The following LRFN2 variants were observed in gnomAD, a reference collection of about 807,000 sequenced individuals.
LRFN2 encodes the protein leucine-rich repeat and fibronectin type-III domain-containing protein 2.
LRFN2 carries 18 observed loss-of-function variants against 37.3 expected under a neutral mutation model. The ratio of observed to expected loss-of-function variants is 0.48; its 90% confidence interval spans 0.33 to 0.72. The LOEUF (loss-of-function observed/expected upper bound fraction) is 0.72. LRFN2 is among the 30% of genes least tolerant of loss of function. The pLI is 0.02. For missense variants in LRFN2, 1,006 were observed against 1,060.7 expected (o/e 0.95, Z 0.72); for synonymous variants, 556 against 466.6 (o/e 1.19, Z -2.47).
chr6:40,534,733 A>G (rs1766418389), intron 1 of LRFN2, among the ~76,000 whole-genome samples: 1 of 151,712 alleles, frequency 6.6e-6, no homozygotes, highest in Non-Finnish European at 1.5e-5. Flanking sequence ...TAGGGTCATC[A>G]CTCTCCCCAG....
chr6:40,551,581 T>G (rs997043212), intron 1 of LRFN2, among the ~76,000 whole-genome samples: 1 of 152,256 alleles, frequency 6.6e-6, no homozygotes, highest in African/African-American at 2.4e-5. Context: ...GATTTAATCA[T>G]AGCAGCTAAC....
intron 1 of LRFN2, among the ~76,000 whole-genome samples, chr6:40,526,557 G>T (rs984397553): frequency 6.6e-6 from 1 of 152,116 alleles, no homozygotes; most frequent in Admixed American, 6.6e-5. Flanking sequence ...AGCTCTGGGG[G>T]TTCCACCATG....
intron 1 of LRFN2, among the ~76,000 whole-genome samples, chr6:40,482,726 G>A (rs1053247054): frequency 1.7e-4 from 26 of 152,012 alleles, no homozygotes; most frequent in Non-Finnish European, 3.2e-4. Context: ...CTCCGCCCTC[G>A]CCCTGCCCAT....
chr6:40,519,846 AATG>A (rs1283539585), intron 1 of LRFN2, among the ~76,000 whole-genome samples: 1 of 152,194 alleles, frequency 6.6e-6, no homozygotes, highest in African/African-American at 2.4e-5. Context: ...CTGGGGATGA[AATG>A]ATGAGTAAGA....
At chr6:40,461,380 C>A (rs1189550530) in intron 1 of LRFN2, among the ~76,000 whole-genome samples, 1 of 151,914 alleles carries the variant, frequency 6.6e-6, no homozygotes, top group Admixed American at 6.6e-5. Flanking sequence ...TGCACTCCAG[C>A]CTGGGTGATA....
chr6:40,400,907 G>A (rs930978117), intron 2 of LRFN2, among the ~76,000 whole-genome samples: 5 of 151,664 alleles, frequency 3.3e-5, no homozygotes, highest in African/African-American at 1.2e-4. Flanking sequence ...GTGCCAGAGT[G>A]TAGGTGTTTA....
chr6:40,489,534 A>C (rs932901360), intron 1 of LRFN2, among the ~76,000 whole-genome samples: 2 of 152,068 alleles, frequency 1.3e-5, no homozygotes, highest in African/African-American at 4.8e-5. Context: ...TGGGACACAC[A>C]GGGGAGGAGA....
intron 1 of LRFN2, among the ~76,000 whole-genome samples, chr6:40,436,029 C>T (rs962696213): frequency 4.6e-5 from 7 of 151,900 alleles, no homozygotes; most frequent in Middle Eastern, 3.4e-3. Context: ...TTCCTAGTGG[C>T]CATATTTTTT....
chr6:40,511,160 G>A (rs1342131121), intron 1 of LRFN2, among the ~76,000 whole-genome samples: 1 of 152,120 alleles, frequency 6.6e-6, no homozygotes, highest in Non-Finnish European at 1.5e-5. Context: ...AGGTCAGATG[G>A]AGTTTACTCT....
At chr6:40,439,830 C>A (rs1023743845) in intron 1 of LRFN2, among the ~76,000 whole-genome samples, 1 of 152,162 alleles carries the variant, frequency 6.6e-6, no homozygotes, top group African/African-American at 2.4e-5. Context: ...AGATCCCACT[C>A]TGACAGGGGA....
At chr6:40,550,980 G>A (rs916059859) in intron 1 of LRFN2, among the ~76,000 whole-genome samples, 2 of 152,240 alleles carry the variant, frequency 1.3e-5, no homozygotes, top group African/African-American at 4.8e-5. Flanking sequence ...GTGGACTGCA[G>A]TGGATGGGAG....
chr6:40,397,654 C>T (rs369296539), intron 2 of LRFN2, among the ~76,000 whole-genome samples: 45 of 152,270 alleles, frequency 3.0e-4, no homozygotes, highest in East Asian at 1.3e-3. Flanking sequence ...CAGAATCAGC[C>T]GGGCCCTGAA....
chr6:40,431,123 G>C (rs925774677), intron 2 of LRFN2, among the ~76,000 whole-genome samples: 1 of 151,840 alleles, frequency 6.6e-6, no homozygotes, highest in East Asian at 1.9e-4. Context: ...TTAAAAGCCA[G>C]TTTGATTCAG....
At chr6:40,509,961 T>G (rs1011132392) in intron 1 of LRFN2, among the ~76,000 whole-genome samples, 7 of 150,750 alleles carry the variant, frequency 4.6e-5, no homozygotes, top group Non-Finnish European at 7.4e-5. Context: ...GGTGGGTGTA[T>G]GCATGTGGGT....
intron 1 of LRFN2, among the ~76,000 whole-genome samples, chr6:40,511,862 T>C (rs1765717055): frequency 6.6e-6 from 1 of 152,128 alleles, no homozygotes; most frequent in Admixed American, 6.5e-5. Context: ...AAAGGAGAAA[T>C]GCAAGAGGTG....
chr6:40,490,415 C>T (rs1378707234), intron 1 of LRFN2, among the ~76,000 whole-genome samples: 3 of 152,170 alleles, frequency 2.0e-5, no homozygotes, highest in Non-Finnish European at 4.4e-5. Context: ...CATTCTGAAG[C>T]TCAGGCTCAG....
In LRFN2 at chr6:40,534,547, T is replaced by C. The variant is rs78295177; in HGVS notation, c.-19+52394A>G. 3.4e-3 allele frequency among the ~76,000 whole-genome samples: 520 copies of C among 152,238 alleles called. 1 individual carries two copies. The highest frequency in any genetic ancestry group is 7.1e-3 in the Admixed American group (109 of 15,294). ...TCAGCTCTATGGCCCTGGACAAATA[T>C]GGAACTGTCCTGTGCTTCAGTTTCC... On this transcript the variant is annotated intron_variant, in intron 1 of 2. Transcript: ENST00000338305.
chr6:40,403,985 G>C (rs1239014395), intron 2 of LRFN2, among the ~76,000 whole-genome samples: 1 of 152,130 alleles, frequency 6.6e-6, no homozygotes, highest in Non-Finnish European at 1.5e-5. Flanking sequence ...CCTGCCTCAG[G>C]ACTTTTGCAC....
Position 40,484,994 on chromosome 6 carries a change from C to A in LRFN2, c.-18-51863G>T, listed in dbSNP as rs148653381. 4.2e-3 allele frequency among the ~76,000 whole-genome samples: 632 copies of A among 152,270 alleles called. 4 individuals are homozygous for A. Among genetic ancestry groups the A allele is most frequent in the Non-Finnish European group, 3.6e-3 (246 of 68,020 alleles). ...TACTAGCCTTGACTACTGTAAGAGA[C>A]CCCAAAAAAGGATTTGAGGCACTCA... is the stretch of plus-strand genomic sequence containing the variant. On this transcript the variant is annotated intron_variant, in intron 1 of 2. Coordinates refer to ENST00000338305, the MANE Select transcript of LRFN2 (RefSeq NM_020737.3).
Sources: allele counts gnomAD v4.1 joint callset (sites outside exome capture counted in the v4.1 genomes callset), GRCh38; gene constraint gnomAD v4.1.1; transcripts MANE v1.5; gene names NCBI Gene and HGNC (gene_info 2026-07-23, HGNC 2026-07-21).